The following SCN3A variants were observed in gnomAD, a reference collection of about 807,000 sequenced individuals.
SCN3A encodes sodium voltage-gated channel alpha subunit 3.
A neutral mutation model predicts 187.6 loss-of-function variants in SCN3A; 60 were observed. That is an observed-to-expected ratio of 0.32 (90% confidence interval 0.26 to 0.40). The LOEUF (loss-of-function observed/expected upper bound fraction) is 0.40. SCN3A is among the 10% of genes least tolerant of loss of function. SCN3A has a pLI of 1.00. For synonymous variants in SCN3A, 788 were observed against 829.2 expected, an observed-to-expected ratio of 0.95 and a Z score of 0.85; for missense variants, 1,601 against 2,428.2, an observed-to-expected ratio of 0.66 and a Z score of 7.16.
intron 1 of SCN3A, chr2:165,195,161 G>C (rs759487262): frequency 6.6e-6 from 1 of 152,106 alleles, no homozygotes; most frequent in African/African-American, 2.4e-5. Context: ...AGACTGGCGT[G>C]GTCTGTCTGT....
chr2:165,164,276 A>T, intron 6 of SCN3A, 116 bp downstream of exon 6: 1 of 1,301,842 alleles, frequency 7.7e-7, no homozygotes, highest in East Asian at 2.4e-5. Flanking sequence ...TACACAATCC[A>T]TATAGTTAAC....
chr2:165,177,980 A>C (rs116004631), intron 2 of SCN3A, among the ~76,000 whole-genome samples: 2,176 of 152,006 alleles, frequency 0.014, 20 homozygotes, highest in South Asian at 0.023. Context: ...CATTCCTACC[A>C]TTCCCCTTTG....
intron 2 of SCN3A, among the ~76,000 whole-genome samples, chr2:165,182,167 G>A (rs866482246): frequency 5.9e-5 from 9 of 152,144 alleles, no homozygotes; most frequent in Admixed American, 1.3e-4. Context: ...CCCACACAAA[G>A]GGCCCCAGGA....
chr2:165,196,588 G>A (rs1452450962), intron 1 of SCN3A, among the ~76,000 whole-genome samples: 1 of 152,068 alleles, frequency 6.6e-6, no homozygotes, highest in Non-Finnish European at 1.5e-5. Flanking sequence ...CAACTGGGGT[G>A]TTAACCCAGG....
At chr2:165,189,149 A>G (rs982099894) in intron 1 of SCN3A, among the ~76,000 whole-genome samples, 1 of 152,246 alleles carries the variant, frequency 6.6e-6, no homozygotes, top group African/African-American at 2.4e-5. Flanking sequence ...ACATTTCCTA[A>G]AAGTTGTATA....
chr2:165,100,455 A>G, intron 21 of SCN3A, 31 bp from the exon 22 acceptor site: 1 of 1,606,526 alleles, frequency 6.2e-7, no homozygotes, highest in South Asian at 1.1e-5. Flanking sequence ...TAATTAGTTC[A>G]CCAAGAAATA....
intron 2 of SCN3A, among the ~76,000 whole-genome samples, chr2:165,182,810 G>A (rs115331954): frequency 9.4e-4 from 143 of 151,960 alleles, no homozygotes; most frequent in African/African-American, 3.4e-3. Flanking sequence ...GGGTAAAGTT[G>A]ATTAAGAAGT....
intron 21 of SCN3A, among the ~76,000 whole-genome samples, chr2:165,102,139 T>C (rs1176089396): frequency 6.6e-6 from 1 of 152,236 alleles, no homozygotes; most frequent in Non-Finnish European, 1.5e-5. Context: ...ACAAAATCCT[T>C]TATTTGAGAC....
At chr2:165,162,248 T>C in intron 9 of SCN3A, 60 bp downstream of exon 9, 2 of 1,443,546 alleles carry the variant, frequency 1.4e-6, no homozygotes. Context: ...GTTGTTTTCC[T>C]ACCTACTTTT....
Position 165,128,054 on chromosome 2 carries a change from G to C in SCN3A, c.2970C>G (p.Asp990Glu). 6.2e-7 allele frequency: 1 copy of C among 1,613,320 alleles called. No individual in the cohort carries two copies. Among genetic ancestry groups the C allele is most frequent in the Non-Finnish European group, 8.5e-7 (1 of 1,179,904 alleles). ...LALLLSSFSS[D>E]NLAATDDDNE... ...TGTCATCATCAGTAGCAGCAAGGTT[G>C]TCTGAGCTAAATGAACTCAACAATA... The change falls in exon 18 of 28, where the codon GAC (aspartate) becomes GAG (glutamate). Residue 990 changes from aspartate (D) to glutamate (E), a missense_variant. Physicochemically the swap from Asp to Glu is conservative, Grantham distance 45. This residue lies in a region of SCN3A where 267 missense variants were observed against 313.2 expected (regional missense o/e 0.85). Transcript: ENST00000283254.
chr2:165,143,126 A>G lies in SCN3A; in HGVS notation c.1672-2128T>C, dbSNP rs1387300473. ...TTAAAAATATATATTTTTAGGTCCC[A>G]GATTTTGGAATATGGATTCAGGAAG... is the stretch of plus-strand genomic sequence containing the variant. On this transcript the variant is annotated intron_variant, in intron 12 of 27. Coordinates refer to ENST00000283254, the MANE Select transcript of SCN3A (RefSeq NM_006922.4). Among the ~76,000 whole-genome samples the G allele has an allele frequency of 3.3e-5, 5 of 152,140 alleles. No individual in the cohort carries two copies. The East Asian group carries it at 9.6e-4, about 29-fold the overall frequency.
intron 11 of SCN3A, 22 bp from the exon 12 acceptor site, chr2:165,147,051 C>T (rs780100386): frequency 1.2e-6 from 2 of 1,613,574 alleles, no homozygotes; most frequent in South Asian, 2.2e-5. Flanking sequence ...CAAAGCCAGG[C>T]ACTATTTAGA....
intron 26 of SCN3A, chr2:165,093,695 A>C (rs905422027): frequency 6.6e-6 from 1 of 152,228 alleles, no homozygotes; most frequent in East Asian, 1.9e-4. Context: ...AAATATGGTA[A>C]AGTCAAGTCA....
At chr2:165,106,026 T>C (rs1054976246) in intron 21 of SCN3A, among the ~76,000 whole-genome samples, 1 of 152,218 alleles carries the variant, frequency 6.6e-6, no homozygotes, top group African/African-American at 2.4e-5. Context: ...TCACATGCTA[T>C]ATAAAAGCAA....
At chr2:165,137,069 T>C (rs1013709372) in intron 15 of SCN3A, among the ~76,000 whole-genome samples, 26 of 152,106 alleles carry the variant, frequency 1.7e-4, no homozygotes, top group Admixed American at 1.7e-3. Flanking sequence ...GGTTGTAGGA[T>C]GGAAAATCAG....
rs747726149 is a variant in SCN3A, at chr2:165,146,905, C to T, written c.1505G>A (p.Arg502Gln). 1.7e-5 allele frequency: 27 copies of T among 1,613,916 alleles called. No homozygotes were observed. Among genetic ancestry groups the T allele is most frequent in the East Asian group, 2.2e-5 (1 of 44,872 alleles). Reference sequence around the variant, plus strand: ...CTCTCTCTGTCTTCTTTTCTTCCTTCGGTTCCTCCATTCTTTAGCACTTTT... The same window carrying T: ...CTCTCTCTGTCTTCTTTTCTTCCTTTGGTTCCTCCATTCTTTAGCACTTTT... ...SSKSAKEWRN[R>Q]RKKRRQREHL... Residue 502 changes from arginine (R) to glutamine (Q), a missense_variant, in exon 12 of 28, where the codon CGA (arginine) becomes CAA (glutamine). Transcript: ENST00000283254.
chr2:165,132,363 C>T (rs1028684085), intron 15 of SCN3A, among the ~76,000 whole-genome samples: 41 of 152,186 alleles, frequency 2.7e-4, no homozygotes, highest in African/African-American at 9.9e-4. Context: ...AGGCATCACA[C>T]TACCTGACTT....
intron 18 of SCN3A, chr2:165,122,989 A>G (rs979723427): frequency 9.2e-5 from 14 of 152,198 alleles, no homozygotes; most frequent in African/African-American, 1.9e-4. Flanking sequence ...TGATTGTTAA[A>G]AGCATTTATT....
At chr2:165,195,740 G>T (rs559463937) in intron 1 of SCN3A, among the ~76,000 whole-genome samples, 2 of 152,128 alleles carry the variant, frequency 1.3e-5, no homozygotes, top group Non-Finnish European at 2.9e-5. Flanking sequence ...GTCTTACAAT[G>T]ACAGGATAAT....
Sources: gnomAD v4.1 joint callset for allele counts (sites outside exome capture counted in the v4.1 genomes callset) on GRCh38, gnomAD v4.1.1 for gene constraint, gnomAD v4.1.1 regional missense constraint, MANE v1.5 for transcripts, NCBI Gene and HGNC (gene_info 2026-07-23, HGNC 2026-07-21) for gene names.